SLC9C2: variants seen among roughly 807,000 people sequenced by gnomAD.
The protein encoded by SLC9C2 is sodium/hydrogen exchanger 11.
SLC9C2 carries 75 observed loss-of-function variants against 140.2 expected under a neutral mutation model. That is an observed-to-expected ratio of 0.53 (90% CI 0.44 to 0.65). The LOEUF is 0.65. Among genes scored for constraint, SLC9C2 ranks in the 30% least tolerant of loss-of-function variants. The pLI, the probability that SLC9C2 is intolerant of heterozygous loss-of-function variation, is 0.00. For missense variants in SLC9C2, 1,074 were observed against 1,331.8 expected (o/e 0.81, Z 3.01); for synonymous variants, 375 against 420.9 (o/e 0.89, Z 1.34).
chr1:173,535,948 A>T lies in SLC9C2; in HGVS notation c.1657T>A (p.Phe553Ile). The part of the protein sequence containing the change: ...AKCYYSIQGK[F>I]MSIYDVSTYM... ...GTTGAAACATCATAAATACTCATGA[A>T]TCTAACAGAGAAAAATGTACATATG... Residue 553 changes from phenylalanine to isoleucine, a missense_variant and splice_region_variant, in exon 15 of 28, where the codon TTC (phenylalanine) becomes ATC (isoleucine). Coordinates refer to ENST00000367714, the MANE Select transcript of SLC9C2 (RefSeq NM_178527.4). 6.7e-7 allele frequency: 1 copy of T among 1,501,126 alleles called. No individual in the cohort carries two copies. Among genetic ancestry groups the T allele is most frequent in the Non-Finnish European group, 8.9e-7 (1 of 1,119,548 alleles). 93.0% of individuals were successfully genotyped at this position (1,501,126 alleles called of 1,614,324 possible).
chr1:173,517,780 T>C, intron 22 of SLC9C2, 76 bp from the exon 23 acceptor site: 1 of 1,246,644 alleles, frequency 8.0e-7, no homozygotes, highest in African/African-American at 1.5e-5. Context: ...GAGCTCCCAC[T>C]ATTTCTTACA....
At chr1:173,574,229 C>T (rs1026881191) in intron 8 of SLC9C2, among the ~76,000 whole-genome samples, 2 of 152,160 alleles carry the variant, frequency 1.3e-5, no homozygotes, top group Non-Finnish European at 2.9e-5. Context: ...TGCATCTGCC[C>T]CACAAACCAT....
At chr1:173,547,330 A>T (rs1002719562) in intron 13 of SLC9C2, among the ~76,000 whole-genome samples, 1 of 151,596 alleles carries the variant, frequency 6.6e-6, no homozygotes. Flanking sequence ...TTAGCACTTG[A>T]GAGAATTTCG....
intron 9 of SLC9C2, among the ~76,000 whole-genome samples, chr1:173,558,377 A>T (rs1248480809): frequency 6.6e-6 from 1 of 152,204 alleles, no homozygotes; most frequent in Non-Finnish European, 1.5e-5. Context: ...TCCCTAAAAT[A>T]TCAGAGTCCA....
At chr1:173,516,894 T>C (rs1366183688) in intron 23 of SLC9C2, among the ~76,000 whole-genome samples, 1 of 152,238 alleles carries the variant, frequency 6.6e-6, no homozygotes, top group Non-Finnish European at 1.5e-5. Flanking sequence ...CGTCACACTG[T>C]CTTCCACAAT....
intron 2 of SLC9C2, among the ~76,000 whole-genome samples, chr1:173,600,752 G>A (rs1666730719): frequency 6.6e-6 from 1 of 152,012 alleles, no homozygotes; most frequent in Admixed American, 6.5e-5. Flanking sequence ...CTCTATAAAG[G>A]ATATAGAGCT....
intron 7 of SLC9C2, among the ~76,000 whole-genome samples, chr1:173,577,988 T>C (rs1365411848): frequency 1.4e-5 from 2 of 142,130 alleles, no homozygotes; most frequent in East Asian, 3.9e-4. Context: ...TCTCTATAAT[T>C]GGTATTTTAT....
intron 17 of SLC9C2, among the ~76,000 whole-genome samples, chr1:173,530,725 T>C (rs1168841510): frequency 1.3e-5 from 2 of 152,062 alleles, no homozygotes; most frequent in African/African-American, 2.4e-5. Flanking sequence ...AGAATTCCAA[T>C]AGAGGGGCTC....
chr1:173,544,646 G>A (rs1251844458), intron 13 of SLC9C2, among the ~76,000 whole-genome samples: 1 of 152,156 alleles, frequency 6.6e-6, no homozygotes, highest in Non-Finnish European at 1.5e-5. Context: ...AGAAAATGTG[G>A]CACATATACA....
chr1:173,570,051 C>T (rs1664745419), intron 9 of SLC9C2, among the ~76,000 whole-genome samples: 1 of 152,272 alleles, frequency 6.6e-6, no homozygotes, highest in Middle Eastern at 3.4e-3. Context: ...CTGGGACTCA[C>T]CCTTCAGGGC....
At chr1:173,569,277 C>G (rs1213284103) in intron 9 of SLC9C2, among the ~76,000 whole-genome samples, 3 of 151,876 alleles carry the variant, frequency 2.0e-5, no homozygotes, top group African/African-American at 7.3e-5. Context: ...TTAAGAGACT[C>G]TAATGCATTC....
At chr1:173,576,809 T>G (rs1278956944) in intron 7 of SLC9C2, 49 bp from the exon 8 acceptor site, 1 of 1,107,240 alleles carries the variant, frequency 9.0e-7, no homozygotes, top group Non-Finnish European at 1.3e-6. Context: ...TATTCATATC[T>G]GCACACTGAG....
intron 13 of SLC9C2, among the ~76,000 whole-genome samples, chr1:173,540,328 C>A (rs1414635646): frequency 1.3e-5 from 2 of 152,172 alleles, no homozygotes; most frequent in Non-Finnish European, 2.9e-5. Flanking sequence ...ACCTGGATTG[C>A]CAACACACAG....
chr1:173,553,643 T>C (rs559954738), intron 11 of SLC9C2, among the ~76,000 whole-genome samples: 57 of 152,264 alleles, frequency 3.7e-4, no homozygotes, highest in Non-Finnish European at 6.8e-4. Context: ...TAAATAGTTT[T>C]CTTAGACACT....
intron 22 of SLC9C2, among the ~76,000 whole-genome samples, chr1:173,521,032 T>C (rs1043485477): frequency 1.3e-5 from 2 of 152,196 alleles, no homozygotes; most frequent in African/African-American, 2.4e-5. Flanking sequence ...ACGCCAAGTA[T>C]TGATTTCCTT....
chr1:173,504,465 C>T (rs1200515978), intron 26 of SLC9C2, among the ~76,000 whole-genome samples: 3 of 152,106 alleles, frequency 2.0e-5, no homozygotes, highest in African/African-American at 4.8e-5. Context: ...AATTTGAAAT[C>T]GTGCAAATCC....
chr1:173,537,119 A>C (rs916739304), intron 13 of SLC9C2, 80 bp from the exon 14 acceptor site: 47 of 1,038,214 alleles, frequency 4.5e-5, no homozygotes, highest in Non-Finnish European at 6.9e-5. Context: ...CATAGCCCTC[A>C]CTATTATTAC....
chr1:173,501,476 TA>T, intron 27 of SLC9C2, among the ~76,000 whole-genome samples: 1 of 150,956 alleles, frequency 6.6e-6, no homozygotes, highest in Non-Finnish European at 1.5e-5. Flanking sequence ...GACAAGATAG[TA>T]ACAAATGAGG....
intron 21 of SLC9C2, among the ~76,000 whole-genome samples, chr1:173,522,430 T>A (rs1483418763): frequency 6.6e-6 from 1 of 152,130 alleles, no homozygotes; most frequent in East Asian, 1.9e-4. Context: ...TAGCAAAGAT[T>A]GTATATGTCT....
Sources: gnomAD v4.1 joint callset for allele counts (sites outside exome capture counted in the v4.1 genomes callset) on GRCh38, gnomAD v4.1.1 for gene constraint, MANE v1.5 for transcripts, NCBI Gene and HGNC (gene_info 2026-07-23, HGNC 2026-07-21) for gene names.